GRB10: variants seen among roughly 807,000 people sequenced by gnomAD.
The protein encoded by GRB10 is growth factor receptor-bound protein 10.
A neutral mutation model predicts 80.9 loss-of-function variants in GRB10; 20 were observed. That is an observed-to-expected ratio of 0.25 (90% confidence interval 0.17 to 0.36). The LOEUF (loss-of-function observed/expected upper bound fraction) is 0.36, where lower values mean the gene tolerates loss of function less well. GRB10 is among the 10% of genes least tolerant of loss of function. The pLI is 1.00. For synonymous variants in GRB10, 291 were observed against 291.5 expected, an observed-to-expected ratio of 1.00 and a Z score of 0.02; for missense variants, 548 against 747.7, an observed-to-expected ratio of 0.73 and a Z score of 3.12.
intron 5 of GRB10, among the ~76,000 whole-genome samples, chr7:50,683,811 C>A (rs2153651540): frequency 6.6e-6 from 1 of 152,102 alleles, no homozygotes. Context: ...TATTTTACCA[C>A]AATTAAAAAT....
chr7:50,669,461 AC>A (rs1411034374), intron 7 of GRB10, among the ~76,000 whole-genome samples: 17 of 152,120 alleles, frequency 1.1e-4, no homozygotes, highest in African/African-American at 3.4e-4. Context: ...TGAGGAATCT[AC>A]CCCTAAGATC....
chr7:50,670,715 G>A (rs1177321644), intron 6 of GRB10, among the ~76,000 whole-genome samples: 3 of 152,164 alleles, frequency 2.0e-5, no homozygotes, highest in African/African-American at 4.8e-5. Flanking sequence ...TCCTTGAAAT[G>A]AGCATTAATC....
intron 2 of GRB10, among the ~76,000 whole-genome samples, chr7:50,757,140 T>C (rs979662079): frequency 6.6e-6 from 1 of 152,190 alleles, no homozygotes; most frequent in African/African-American, 2.4e-5. Flanking sequence ...CCGCTGAACA[T>C]GCTTGCTAAA....
At chr7:50,744,538 A>G (rs527530769) in intron 3 of GRB10, among the ~76,000 whole-genome samples, 8 of 152,338 alleles carry the variant, frequency 5.3e-5, no homozygotes, top group African/African-American at 1.7e-4. Context: ...TCATTAACGC[A>G]CATGTTGTAT....
chr7:50,614,702 C>G (rs1366239078), intron 12 of GRB10, 68 bp downstream of exon 12: 2 of 938,608 alleles, frequency 2.1e-6, no homozygotes, highest in Non-Finnish European at 3.5e-6. Context: ...AAGTGCTGGG[C>G]AAGAGAAGAA....
chr7:50,626,219 T>A (rs2052858878), intron 8 of GRB10, among the ~76,000 whole-genome samples: 1 of 152,226 alleles, frequency 6.6e-6, no homozygotes, highest in Non-Finnish European at 1.5e-5. Flanking sequence ...CTCTTACTTT[T>A]TAGGCATGAC....
intron 13 of GRB10, among the ~76,000 whole-genome samples, chr7:50,608,353 C>CTA (rs1326692677): frequency 6.6e-6 from 1 of 152,124 alleles, no homozygotes; most frequent in East Asian, 1.9e-4. Context: ...ACCTTGCATC[C>CTA]TATAACCAGT....
intron 3 of GRB10, among the ~76,000 whole-genome samples, chr7:50,751,113 T>C (rs10260626): frequency 0.1 from 15,193 of 152,080 alleles, 2,561 homozygotes; most frequent in African/African-American, 0.35. Flanking sequence ...CAGCCTCGAC[T>C]TGCCTTGGAC....
At chr7:50,593,237 C>G (rs991148489) in intron 18 of GRB10, 139 bp from the exon 19 acceptor site, 53 of 959,566 alleles carry the variant, frequency 5.5e-5, no homozygotes, top group Non-Finnish European at 6.6e-5. Context: ...CTAGAAAACA[C>G]CAGGGGCGGG....
chr7:50,645,671 G>C (rs913686723), intron 7 of GRB10: 2 of 975,394 alleles, frequency 2.1e-6, no homozygotes, highest in Non-Finnish European at 2.4e-6. Flanking sequence ...AAACGCCGTC[G>C]TATCAGACCT....
At chr7:50,593,207 G>A in intron 18 of GRB10, 109 bp from the exon 19 acceptor site, 1 of 1,251,924 alleles carries the variant, frequency 8.0e-7, no homozygotes, top group Non-Finnish European at 1.2e-6. Context: ...ATTCCAGAGG[G>A]ACACACAGGG....
chr7:50,783,470 TC>T (rs1562716660), upstream of GRB10, among the ~76,000 whole-genome samples: 18 of 29,106 alleles, frequency 6.2e-4, no homozygotes, highest in Non-Finnish European at 4.1e-4. Flanking sequence ...ACCCACCCAC[TC>T]ACATACATAC....
chr7:50,754,700 C>T (rs1292163413), intron 3 of GRB10, among the ~76,000 whole-genome samples: 1 of 152,176 alleles, frequency 6.6e-6, no homozygotes, highest in Non-Finnish European at 1.5e-5. Context: ...AACTTCCTAC[C>T]AAGGGTGTGG....
At chr7:50,654,409 A>C (rs1420769325) in intron 7 of GRB10, among the ~76,000 whole-genome samples, 4 of 152,102 alleles carry the variant, frequency 2.6e-5, no homozygotes. Flanking sequence ...AGGCAAGGGC[A>C]CCTCTGCAGA....
intron 7 of GRB10, among the ~76,000 whole-genome samples, chr7:50,643,653 T>C (rs1279991385): frequency 6.6e-6 from 1 of 152,230 alleles, no homozygotes; most frequent in Non-Finnish European, 1.5e-5. Flanking sequence ...TTATGATATG[T>C]AAGTGAGTAA....
At chr7:50,742,632 C>T (rs1485431057) in intron 3 of GRB10, among the ~76,000 whole-genome samples, 3 of 151,934 alleles carry the variant, frequency 2.0e-5, no homozygotes, top group African/African-American at 7.3e-5. Context: ...TGACATAGTC[C>T]CAACTACTGG....
chr7:50,610,683 T>C (rs2049345714), intron 13 of GRB10, among the ~76,000 whole-genome samples: 2 of 152,230 alleles, frequency 1.3e-5, no homozygotes, highest in South Asian at 2.1e-4. Context: ...ATGAGGATGA[T>C]AATATGCATG....
chr7:50,628,247 G>C (rs1324411841), intron 7 of GRB10, among the ~76,000 whole-genome samples: 1 of 152,264 alleles, frequency 6.6e-6, no homozygotes, highest in Admixed American at 6.5e-5. Context: ...TGATGTGTCA[G>C]TGGCAGCTTT....
intron 7 of GRB10, among the ~76,000 whole-genome samples, chr7:50,638,850 T>A (rs2055568112): frequency 6.6e-6 from 1 of 151,790 alleles, no homozygotes; most frequent in South Asian, 2.1e-4. Context: ...TAAATGTCTA[T>A]CAATGGTAGA....
Sources: allele counts gnomAD v4.1 joint callset (sites outside exome capture counted in the v4.1 genomes callset), GRCh38; gene constraint gnomAD v4.1.1; transcripts MANE v1.5; gene names NCBI Gene and HGNC (gene_info 2026-07-23, HGNC 2026-07-21).